Variants in VAT1L observed in about 807,000 individuals in gnomAD.
VAT1L encodes the protein vesicle amine transport 1 like.
In VAT1L, 34 loss-of-function variants were observed where a neutral mutation model predicts 44.1. The ratio of observed to expected loss-of-function variants is 0.77; its 90% CI spans 0.59 to 1.03. The LOEUF (loss-of-function observed/expected upper bound fraction) is 1.03, where lower values mean the gene tolerates loss of function less well. VAT1L is among the 50% of genes least tolerant of loss of function. VAT1L has a pLI of 0.00. For synonymous variants in VAT1L, 253 were observed against 202.2 expected, an observed-to-expected ratio of 1.25 and a Z score of -2.13; for missense variants, 615 against 538.8, an observed-to-expected ratio of 1.14 and a Z score of -1.40.
intron 5 of VAT1L, among the ~76,000 whole-genome samples, chr16:77,876,720 T>C (rs762553301): frequency 3.9e-5 from 6 of 152,212 alleles, no homozygotes; most frequent in Admixed American, 1.3e-4. Flanking sequence ...AATGTGGTCA[T>C]TGATATGACT....
At chr16:77,807,764 A>C (rs201260800) in intron 1 of VAT1L, among the ~76,000 whole-genome samples, 2 of 152,108 alleles carry the variant, frequency 1.3e-5, no homozygotes, top group East Asian at 3.9e-4. Flanking sequence ...TGCAATCCAC[A>C]CAACACCCCG....
chr16:77,788,835 G>A lies in VAT1L; in HGVS notation c.153G>A (p.Gly51=), dbSNP rs1431544229. Residue 51 remains glycine (G), a synonymous_variant, in exon 1 of 9, where the codon GGG becomes GGA. Transcript: ENST00000302536. ...GCGCGGTGGTGCTGGCTGGCTTCGG[G>A]GGGCTCAACAAGCTGCGGCTCTTCA... ...EMRAVVLAGF[G]GLNKLRLFRK... 6.3e-6 allele frequency: 10 copies of A among 1,580,142 alleles called. No homozygotes were observed. Among genetic ancestry groups the A allele is most frequent in the South Asian group, 3.5e-5 (3 of 85,942 alleles).
At chr16:77,832,918 C>A (rs10781989) in intron 3 of VAT1L, among the ~76,000 whole-genome samples, 74,506 of 151,942 alleles carry the variant, frequency 0.49, 18,441 homozygotes, top group East Asian at 0.65. Context: ...ATGCAAGATA[C>A]ACTCATACAG....
In VAT1L at chr16:77,884,686, C is replaced by T. The variant is rs528576825; in HGVS notation, c.961C>T (p.Leu321=). The change falls in exon 7 of 9, where the codon CTG becomes TTG. Residue 321 remains leucine (L), a synonymous_variant. Transcript: ENST00000302536. The surrounding 1 kb of genome is among the most constrained non-coding windows in gnomAD (Gnocchi z 4.5). ...KVIAGFSLLN[L]LFKQGRAGLI... ...CATCGCGGGGTTTTCCCTTTTAAAT[C>T]TGCTCTTCAAACAAGGCCGGGCGGG... 6.2e-7 allele frequency: 1 copy of T among 1,612,866 alleles called. No homozygotes were observed. Among genetic ancestry groups the T allele is most frequent in the Admixed American group, 1.7e-5 (1 of 59,894 alleles).
In VAT1L at chr16:77,884,786, T is replaced by C. The variant is rs1223766621; in HGVS notation, c.1061T>C (p.Leu354Ser). Reference sequence around the variant, plus strand: ...AAGATCAAGCCTGTGGTGGACTCCTTGTGGGCTCTGGAGGAGGTAAGAATG... The same window carrying C: ...AAGATCAAGCCTGTGGTGGACTCCTCGTGGGCTCTGGAGGAGGTAAGAATG... ...QKKIKPVVDS[L>S]WALEEVKEAM... The change falls in exon 7 of 9, where the codon TTG (leucine) becomes TCG (serine). Residue 354 changes from leucine (L) to serine (S), a missense_variant. Coordinates refer to ENST00000302536, the MANE Select transcript of VAT1L (RefSeq NM_020927.3). This position sits in a 1 kb window ranked among gnomAD's most constrained non-coding sequence, Gnocchi z 4.5. 1 of 1,528,454 alleles carries C rather than the reference T, an allele frequency of 6.5e-7. No homozygotes were observed. The highest frequency in any genetic ancestry group is 8.8e-7 in the Non-Finnish European group (1 of 1,141,792). 94.7% of individuals were successfully genotyped at this position (1,528,454 alleles called of 1,614,324 possible).
At chr16:77,804,047 G>C (rs2016112599) in intron 1 of VAT1L, among the ~76,000 whole-genome samples, 1 of 152,268 alleles carries the variant, frequency 6.6e-6, no homozygotes, top group South Asian at 2.1e-4. Flanking sequence ...TCATTCTTTT[G>C]TTGATCTCTG....
At chr16:77,868,549 C>A (rs929239735) in intron 4 of VAT1L, among the ~76,000 whole-genome samples, 2 of 152,192 alleles carry the variant, frequency 1.3e-5, no homozygotes, top group African/African-American at 2.4e-5. Context: ...GGAGGCAAGG[C>A]AAGCCTAGTT....
chr16:77,864,804 A>T (rs946439444), intron 4 of VAT1L, among the ~76,000 whole-genome samples: 1 of 152,098 alleles, frequency 6.6e-6, no homozygotes, highest in African/African-American at 2.4e-5. Context: ...AGCATTGCAT[A>T]TAATTTAAGG....
chr16:77,950,070 C>T (rs142901504), intron 7 of VAT1L, among the ~76,000 whole-genome samples: 2 of 152,242 alleles, frequency 1.3e-5, no homozygotes, highest in African/African-American at 2.4e-5. Flanking sequence ...CTTTTAATAA[C>T]TTATTATCCA....
At chr16:77,942,193 A>T (rs564988381) in intron 7 of VAT1L, among the ~76,000 whole-genome samples, 1 of 152,304 alleles carries the variant, frequency 6.6e-6, no homozygotes, top group East Asian at 1.9e-4. Flanking sequence ...TCATGGTGGA[A>T]GATGAAAGGC....
chr16:77,965,913 A>G (rs778002750), intron 7 of VAT1L, among the ~76,000 whole-genome samples: 10 of 152,270 alleles, frequency 6.6e-5, no homozygotes, highest in Non-Finnish European at 1.3e-4. Context: ...TCCTGCCCAT[A>G]TAGAGCTGCA....
At chr16:77,895,116 ACT>A (rs1491456475) in intron 7 of VAT1L, among the ~76,000 whole-genome samples, 18 of 151,278 alleles carry the variant, frequency 1.2e-4, no homozygotes, top group East Asian at 3.9e-4. Flanking sequence ...ACACACACAC[ACT>A]CACACATTTC....
At chr16:77,898,372 C>G (rs939732216) in intron 7 of VAT1L, among the ~76,000 whole-genome samples, 10 of 152,046 alleles carry the variant, frequency 6.6e-5, no homozygotes, top group Admixed American at 2.0e-4. Context: ...GAGTCACATA[C>G]GATCAAAAAC....
At chr16:77,943,758 T>C (rs1285364535) in intron 7 of VAT1L, among the ~76,000 whole-genome samples, 2 of 152,074 alleles carry the variant, frequency 1.3e-5, no homozygotes, top group Non-Finnish European at 2.9e-5. Flanking sequence ...CTCAGACAAG[T>C]CACTTAGCCT....
intron 7 of VAT1L, among the ~76,000 whole-genome samples, chr16:77,907,225 C>T (rs2017447150): frequency 6.6e-6 from 1 of 152,186 alleles, no homozygotes; most frequent in African/African-American, 2.4e-5. Context: ...AATCAGCTAT[C>T]GGAGTCAGTG....
chr16:77,875,438 A>T (rs989867107), intron 4 of VAT1L, among the ~76,000 whole-genome samples: 1 of 152,204 alleles, frequency 6.6e-6, no homozygotes, highest in Non-Finnish European at 1.5e-5. Context: ...AACACAAGGA[A>T]TGCCATTCTT....
chr16:77,797,726 G>A (rs550287749), intron 1 of VAT1L, among the ~76,000 whole-genome samples: 13 of 152,260 alleles, frequency 8.5e-5, no homozygotes, highest in South Asian at 6.2e-4. Flanking sequence ...ATAGTGCCCC[G>A]ATGACCTCCA....
intron 3 of VAT1L, among the ~76,000 whole-genome samples, chr16:77,849,438 G>T (rs909797684): frequency 6.6e-6 from 1 of 152,126 alleles, no homozygotes; most frequent in Admixed American, 6.5e-5. Context: ...GTGTACCAGG[G>T]GCTCCAGATA....
intron 1 of VAT1L, among the ~76,000 whole-genome samples, chr16:77,813,242 C>T (rs2145230591): frequency 6.6e-6 from 1 of 152,170 alleles, no homozygotes; most frequent in South Asian, 2.1e-4. Context: ...TCACTATTTA[C>T]TGTGTGGCCT....
Sources: allele counts gnomAD v4.1 joint callset (sites outside exome capture counted in the v4.1 genomes callset), GRCh38; gene constraint gnomAD v4.1.1; non-coding constraint Gnocchi (gnomAD v3.1); transcripts MANE v1.5; gene names NCBI Gene and HGNC (gene_info 2026-07-23, HGNC 2026-07-21).